Variants in UBOX5 observed in about 807,000 individuals in gnomAD.
UBOX5 encodes the protein RING finger protein 37.
UBOX5 carries 28 observed loss-of-function variants against 39.0 expected under a neutral mutation model. That is an observed-to-expected ratio of 0.72 (90% CI 0.53 to 0.98). The LOEUF (loss-of-function observed/expected upper bound fraction) is 0.98. Ranked by LOEUF, UBOX5 falls within the 50% of genes least tolerant of loss-of-function variation. The pLI is 0.00. For synonymous variants in UBOX5, 283 were observed against 275.5 expected (o/e 1.03, Z -0.27); for missense variants, 585 against 674.4 (o/e 0.87, Z 1.47).
At chr20:3,133,891 T>C (rs1230746241) in intron 1 of UBOX5, among the ~76,000 whole-genome samples, 1 of 152,132 alleles carries the variant, frequency 6.6e-6, no homozygotes, top group African/African-American at 2.4e-5. Flanking sequence ...TATCTGGGAC[T>C]ACAGGCGCGC....
At chr20:3,118,862 C>G (rs1402911841) in intron 3 of UBOX5, among the ~76,000 whole-genome samples, 1 of 152,012 alleles carries the variant, frequency 6.6e-6, no homozygotes, top group East Asian at 1.9e-4. Flanking sequence ...TTGCTTGAAC[C>G]CGGGAGGCAG....
chr20:3,148,033 A>G, intron 1 of UBOX5: 1 of 1,614,222 alleles, frequency 6.2e-7, no homozygotes, highest in African/African-American at 1.3e-5. Flanking sequence ...GCTGAATGTT[A>G]GCACAAGCCA....
At chr20:3,141,448 G>T (rs914417787) in intron 1 of UBOX5, among the ~76,000 whole-genome samples, 1 of 151,788 alleles carries the variant, frequency 6.6e-6, no homozygotes, top group Non-Finnish European at 1.5e-5. Context: ...AGGAGTTTTT[G>T]ATACCAGCCT....
chr20:3,140,701 G>C (rs1188641574), intron 1 of UBOX5, among the ~76,000 whole-genome samples: 1 of 151,872 alleles, frequency 6.6e-6, no homozygotes, highest in South Asian at 2.1e-4. Flanking sequence ...TCTTTCTTAG[G>C]GTTACCAGAT....
intron 1 of UBOX5, among the ~76,000 whole-genome samples, chr20:3,132,160 A>T (rs553983366): frequency 6.6e-6 from 1 of 151,840 alleles, no homozygotes; most frequent in African/African-American, 2.4e-5. Context: ...AAATACAAAA[A>T]TTAGCTGGGC....
chr20:3,133,899 C>T (rs540943715), intron 1 of UBOX5, among the ~76,000 whole-genome samples: 22 of 152,028 alleles, frequency 1.4e-4, no homozygotes, highest in African/African-American at 4.3e-4. Flanking sequence ...ACTACAGGCG[C>T]GCACCACCAC....
chr20:3,115,258 A>G, intron 4 of UBOX5, 47 bp downstream of exon 4: 1 of 1,563,896 alleles, frequency 6.4e-7, no homozygotes, highest in Non-Finnish European at 8.6e-7. Context: ...GACAGAAAAC[A>G]GACCACCCAT....
chr20:3,112,103 T>G (rs1400811643), intron 4 of UBOX5, among the ~76,000 whole-genome samples: 9 of 119,230 alleles, frequency 7.5e-5, no homozygotes, highest in South Asian at 2.5e-4. Context: ...CCCCAGTGAG[T>G]GGAAAGTTGA....
Position 3,139,681 on chromosome 20 carries a change from T to C in UBOX5, c.-41-16275A>G, listed in dbSNP as rs562835311. ...CACCCACCTTGGCCTCCCAAAGTGC[T>C]AGGATTACAGGCGTGAGCCACTGCA... On this transcript the variant is annotated intron_variant, in intron 1 of 4. Transcript: ENST00000217173. 9.9e-5 allele frequency among the ~76,000 whole-genome samples: 15 copies of C among 152,218 alleles called. 1 individual carries two copies. The highest frequency in any genetic ancestry group is 2.6e-4 in the African/African-American group (11 of 41,524).
In UBOX5 at chr20:3,149,348, C is replaced by T; in HGVS notation, c.-42+10418G>A. On this transcript the variant is annotated intron_variant, in intron 1 of 4. Transcript: ENST00000217173. The surrounding 1 kb of genome is among the most constrained non-coding windows in gnomAD (Gnocchi z 4.1). The stretch of plus-strand genomic sequence containing the variant: ...TTATAAAAAACAGGTTGAAACTACA[C>T]TGCTGTCTACTCAAATAAGTTCAAT... 1 of 420,148 alleles carries T rather than the reference C, an allele frequency of 2.4e-6. No individual in the cohort carries two copies. Among genetic ancestry groups the T allele is most frequent in the Admixed American group, 4.1e-5 (1 of 24,230 alleles). 26.0% of individuals were successfully genotyped at this position (420,148 alleles called of 1,614,324 possible). A position where few individuals can be genotyped will look rare whatever the true frequency, so the allele number is the denominator to read the frequency against.
intron 4 of UBOX5, among the ~76,000 whole-genome samples, chr20:3,111,074 C>T (rs1185361026): frequency 6.6e-6 from 1 of 152,164 alleles, no homozygotes; most frequent in Non-Finnish European, 1.5e-5. Context: ...GCAGGCTCTC[C>T]CTTCTTCCGC....
At chr20:3,158,640 A>AT (rs889971250) in intron 1 of UBOX5, among the ~76,000 whole-genome samples, 3 of 151,840 alleles carry the variant, frequency 2.0e-5, no homozygotes, top group African/African-American at 4.8e-5. Context: ...ACGCCCAGCT[A>AT]TTTTTTTGTA....
At chr20:3,155,052 CAAAAAAAAAAA>C (rs11326176) in intron 1 of UBOX5, among the ~76,000 whole-genome samples, 2 of 96,106 alleles carry the variant, frequency 2.1e-5, no homozygotes, top group Admixed American at 2.3e-4. Context: ...GACACAGTCT[CAAAAAAAAAAA>C]AAAAAAAAAG....
intron 3 of UBOX5, among the ~76,000 whole-genome samples, chr20:3,117,678 C>T (rs564623737): frequency 6.1e-4 from 87 of 143,470 alleles, no homozygotes; most frequent in South Asian, 1.6e-3. Flanking sequence ...AGCGAGACTC[C>T]GTCACTATAT....
intron 4 of UBOX5, 35 bp from the exon 5 acceptor site, chr20:3,110,349 G>C (rs757507881): frequency 6.2e-7 from 1 of 1,611,912 alleles, no homozygotes; most frequent in Non-Finnish European, 8.5e-7. Context: ...GCCAGGGTTA[G>C]GAAAGCTGCT....
chr20:3,121,237 GC>G, intron 3 of UBOX5, 146 bp downstream of exon 3: 1 of 1,201,404 alleles, frequency 8.3e-7, no homozygotes, highest in Non-Finnish European at 1.1e-6. Flanking sequence ...AAGCTGAGGG[GC>G]CCCAGGATGG....
intron 1 of UBOX5, among the ~76,000 whole-genome samples, chr20:3,151,153 C>G (rs896889701): frequency 6.6e-6 from 1 of 152,172 alleles, no homozygotes; most frequent in East Asian, 1.9e-4. Context: ...TCCTCCTACC[C>G]TGGCCTCCTG....
At chr20:3,127,355 G>C (rs1275213285) in intron 1 of UBOX5, among the ~76,000 whole-genome samples, 1 of 152,226 alleles carries the variant, frequency 6.6e-6, no homozygotes, top group Non-Finnish European at 1.5e-5. Flanking sequence ...CAACATCTGA[G>C]TGGATAGTTG....
intron 1 of UBOX5, among the ~76,000 whole-genome samples, chr20:3,132,258 C>T (rs1161542384): frequency 4.0e-5 from 6 of 151,806 alleles, no homozygotes; most frequent in Admixed American, 2.0e-4. Context: ...TGCAGTAAGC[C>T]GAGATCACGC....
Sources: allele counts gnomAD v4.1 joint callset (sites outside exome capture counted in the v4.1 genomes callset), GRCh38; gene constraint gnomAD v4.1.1; non-coding constraint Gnocchi (gnomAD v3.1); transcripts MANE v1.5; gene names NCBI Gene and HGNC (gene_info 2026-07-23, HGNC 2026-07-21).